The following ASIC2 variants were observed in gnomAD, a reference collection of about 807,000 sequenced individuals.
ASIC2 encodes the protein acid-sensing ion channel 2.
Under a neutral mutation model 57.3 loss-of-function variants are expected in ASIC2, and 25 were observed. That is an observed-to-expected ratio of 0.44 (90% CI 0.32 to 0.61). The LOEUF is 0.61. Among genes scored for constraint, ASIC2 ranks in the 20% least tolerant of loss-of-function variants. ASIC2 has a pLI of 0.06. For synonymous variants in ASIC2, 319 were observed against 307.5 expected, an observed-to-expected ratio of 1.04 and a Z score of -0.39; for missense variants, 641 against 738.1, an observed-to-expected ratio of 0.87 and a Z score of 1.52.
At chr17:34,099,154 GAGAGAGAGAGAA>G (rs1910684916) in intron 1 of ASIC2, among the ~76,000 whole-genome samples, 6 of 26,232 alleles carry the variant, frequency 2.3e-4, no homozygotes, top group Admixed American at 6.7e-4. Context: ...GACAGAGAGA[GAGAGAGAGAGAA>G]AGAAAGAAAG....
intron 1 of ASIC2, among the ~76,000 whole-genome samples, chr17:33,926,903 C>A (rs1442228086): frequency 1.3e-5 from 2 of 152,092 alleles, no homozygotes; most frequent in Non-Finnish European, 2.9e-5. Context: ...TCCACTTGCA[C>A]TGTCATCTTG....
At chr17:33,918,001 G>A (rs766076634) in intron 1 of ASIC2, among the ~76,000 whole-genome samples, 1 of 151,760 alleles carries the variant, frequency 6.6e-6, no homozygotes, top group Non-Finnish European at 1.5e-5. Context: ...ACTGAATAAC[G>A]TGAACTCTCA....
At chr17:33,657,222 G>A (rs903786445) in intron 1 of ASIC2, among the ~76,000 whole-genome samples, 1 of 152,160 alleles carries the variant, frequency 6.6e-6, no homozygotes, top group African/African-American at 2.4e-5. Context: ...AAGATAGAGT[G>A]GTCCAAACCC....
At chr17:33,404,243 C>T (rs909364829) in intron 1 of ASIC2, among the ~76,000 whole-genome samples, 3 of 152,078 alleles carry the variant, frequency 2.0e-5, no homozygotes, top group Non-Finnish European at 2.9e-5. Context: ...CGGAAATGTG[C>T]TAATTGATTA....
chr17:33,891,817 AG>A lies in ASIC2; in HGVS notation c.555+264160del, dbSNP rs111392168. Among the ~76,000 whole-genome samples the A allele has an allele frequency of 7.9e-3, 1,196 of 152,288 alleles. 13 individuals are homozygous for A. The highest frequency in any genetic ancestry group is 0.025 in the African/African-American group (1,057 of 41,562). ...ACATTTAAAGGGGAGGGGTGAGAGT[AG>A]GGGGCTTGCAGTACACATCCCACAG... On this transcript the variant is annotated intron_variant, in intron 1 of 9. Transcript: ENST00000359872.
Position 33,198,221 on chromosome 17 carries a change from C to T in ASIC2, c.709-86154G>A, listed in dbSNP as rs1043732508. Among the ~76,000 whole-genome samples, 8 of 152,228 alleles carry T rather than the reference C, an allele frequency of 5.3e-5. No individual in the cohort carries two copies. The East Asian group carries it at 1.5e-3, about 29-fold the overall frequency. The stretch of plus-strand genomic sequence containing the variant: ...TAAAAAAATTAGCTGGGCATAGGGG[C>T]ATGCACCTGTAGTCCCAGCTACTAG... On this transcript the variant is annotated intron_variant, in intron 1 of 9. Coordinates refer to ENST00000225823, the MANE Select transcript of ASIC2 (RefSeq NM_183377.2).
intron 1 of ASIC2, among the ~76,000 whole-genome samples, chr17:33,693,808 G>A (rs1233214046): frequency 6.6e-6 from 1 of 152,208 alleles, no homozygotes; most frequent in Non-Finnish European, 1.5e-5. Context: ...TGAAAGGGCT[G>A]TGAGTACACA....
At chr17:33,325,645 T>C (rs1288232603) in intron 1 of ASIC2, among the ~76,000 whole-genome samples, 2 of 152,154 alleles carry the variant, frequency 1.3e-5, no homozygotes, top group Non-Finnish European at 2.9e-5. Context: ...GGTACCCTTA[T>C]ACTTGTGGTT....
intron 1 of ASIC2, among the ~76,000 whole-genome samples, chr17:33,123,903 T>G (rs978806543): frequency 1.3e-5 from 2 of 152,178 alleles, no homozygotes; most frequent in African/African-American, 4.8e-5. Context: ...TGTGTTGTGT[T>G]GTGTTCCTGG....
chr17:34,099,807 G>C (rs545427554), intron 1 of ASIC2, among the ~76,000 whole-genome samples: 5 of 150,158 alleles, frequency 3.3e-5, no homozygotes, highest in African/African-American at 1.2e-4. Context: ...AGAAAGAAAA[G>C]AGAATCTCAT....
chr17:34,087,602 G>C (rs1446085205), intron 1 of ASIC2, among the ~76,000 whole-genome samples: 3 of 152,106 alleles, frequency 2.0e-5, no homozygotes, highest in Non-Finnish European at 4.4e-5. Flanking sequence ...GCTAGATTGG[G>C]GAAGTTCTCC....
chr17:33,677,582 T>G (rs968133777), intron 1 of ASIC2, among the ~76,000 whole-genome samples: 1 of 152,156 alleles, frequency 6.6e-6, no homozygotes. Context: ...CATATTAACT[T>G]TAGTGGGAGT....
At chr17:34,043,179 G>A (rs1408494261) in intron 1 of ASIC2, among the ~76,000 whole-genome samples, 1 of 152,230 alleles carries the variant, frequency 6.6e-6, no homozygotes, top group Admixed American at 6.5e-5. Context: ...CTCCAGGGAT[G>A]CTGGTGATGC....
intron 1 of ASIC2, chr17:34,038,168 T>C (rs1907963439): frequency 6.2e-7 from 1 of 1,612,522 alleles, no homozygotes. Flanking sequence ...TTTGAGGTCA[T>C]AGTGTATGAT....
At chr17:33,192,914 G>T (rs1405465435) in intron 1 of ASIC2, among the ~76,000 whole-genome samples, 2 of 151,900 alleles carry the variant, frequency 1.3e-5, no homozygotes, top group Non-Finnish European at 2.9e-5. Flanking sequence ...TGGATTGAAT[G>T]GAAAAAATAC....
chr17:33,177,488 T>C (rs953662317), intron 1 of ASIC2, among the ~76,000 whole-genome samples: 5 of 151,982 alleles, frequency 3.3e-5, no homozygotes, highest in African/African-American at 9.7e-5. Flanking sequence ...CAAGTCACAA[T>C]TGGTGGACAA....
chr17:33,426,625 C>T (rs576894440), intron 1 of ASIC2, among the ~76,000 whole-genome samples: 2 of 152,220 alleles, frequency 1.3e-5, no homozygotes, highest in Non-Finnish European at 2.9e-5. Context: ...GCTACCTGGA[C>T]AGGCAGCCTT....
intron 1 of ASIC2, among the ~76,000 whole-genome samples, chr17:33,365,968 T>A (rs370127303): frequency 6.6e-6 from 1 of 152,118 alleles, no homozygotes; most frequent in African/African-American, 2.4e-5. Flanking sequence ...CAGATACAGT[T>A]CAGGTTGGTA....
intron 1 of ASIC2, among the ~76,000 whole-genome samples, chr17:33,964,161 G>T (rs566838859): frequency 3.8e-4 from 58 of 152,314 alleles, no homozygotes; most frequent in African/African-American, 1.3e-3. Context: ...CTACCCATTG[G>T]CTGGCATGAA....
Sources: gnomAD v4.1 joint callset for allele counts (sites outside exome capture counted in the v4.1 genomes callset) on GRCh38, gnomAD v4.1.1 for gene constraint, MANE v1.5 for transcripts, NCBI Gene and HGNC (gene_info 2026-07-23, HGNC 2026-07-21) for gene names.